Variants in KLF15 observed in about 807,000 individuals in gnomAD.
The protein encoded by KLF15 is KLF transcription factor 15.
In KLF15, 4 loss-of-function variants were observed where a neutral mutation model predicts 24.6. That is an observed-to-expected ratio of 0.16 (90% CI 0.08 to 0.37). KLF15 has a LOEUF of 0.37. Ranked by LOEUF, KLF15 falls within the 10% of genes least tolerant of loss-of-function variation. The pLI is 1.00. For missense variants in KLF15, 496 were observed against 560.6 expected (o/e 0.88, Z 1.16); for synonymous variants, 246 against 236.3 (o/e 1.04, Z -0.37).
At chr3:126,322,822 T>C in the KLF15 span, among the ~76,000 whole-genome samples, 1 of 152,206 alleles carries the variant, frequency 6.6e-6, no homozygotes, top group Admixed American at 6.5e-5. Flanking sequence ...AGGCAAAGCC[T>C]TATTTTCCCA....
the KLF15 span, among the ~76,000 whole-genome samples, chr3:126,298,600 G>A: frequency 1.4e-4 from 21 of 151,906 alleles, no homozygotes; most frequent in East Asian, 5.8e-4. Context: ...TTATGGTTTC[G>A]GTTCTTAGAT....
At chr3:126,339,020 C>T (rs1370891256), downstream of KLF15, among the ~76,000 whole-genome samples, 3 of 152,162 alleles carry the variant, frequency 2.0e-5, no homozygotes, top group Non-Finnish European at 2.9e-5. Context: ...TGGATATGTC[C>T]GTGCGCCAGG....
Position 126,356,975 on chromosome 3 carries a change from G to C in KLF15, c.-26+262C>G, listed in dbSNP as rs905266444. Among the ~76,000 whole-genome samples the C allele has an allele frequency of 1.3e-5, 2 of 151,842 alleles. No individual in the cohort carries two copies. Among genetic ancestry groups the C allele is most frequent in the Non-Finnish European group, 2.9e-5 (2 of 67,920 alleles). On this transcript the variant is annotated intron_variant, in intron 1 of 2. Coordinates refer to ENST00000296233, the MANE Select transcript of KLF15 (RefSeq NM_014079.4). The surrounding 1 kb of genome is among the most constrained non-coding windows in gnomAD (Gnocchi z 4.4). The stretch of plus-strand genomic sequence containing the variant: ...CGCAAGGCGCGCCACGGAATCGCCC[G>C]GCCAGGCACCGAGGCGGCGGCGCGG...
In KLF15 at chr3:126,343,844, C is replaced by T. The variant is rs1360856138; in HGVS notation, c.1134G>A (p.Val378=). ...LSRHRRSHSG[V]KPYQCPVCEK... ...CGCACACAGGACACTGGTACGGCTTCACACCTGAGTGCGAGCGCCTGTGCC... is the reference window on the plus strand; with the variant it reads ...CGCACACAGGACACTGGTACGGCTTTACACCTGAGTGCGAGCGCCTGTGCC... Residue 378 remains valine, a synonymous_variant, in exon 3 of 3, where the codon GTG becomes GTA. Transcript: ENST00000296233. 25 of 1,609,580 alleles carry T rather than the reference C, an allele frequency of 1.6e-5. No individual in the cohort carries two copies. The highest frequency in any genetic ancestry group is 1.9e-5 in the Non-Finnish European group (22 of 1,179,128).
At chr3:126,322,787 C>T in the KLF15 span, among the ~76,000 whole-genome samples, 1 of 152,178 alleles carries the variant, frequency 6.6e-6, no homozygotes, top group African/African-American at 2.4e-5. Context: ...GTTCTGGGAG[C>T]TAGGTTTGCA....
chr3:126,354,969 C>T (rs569838760), intron 1 of KLF15, among the ~76,000 whole-genome samples: 30 of 152,346 alleles, frequency 2.0e-4, no homozygotes, highest in African/African-American at 6.7e-4. Context: ...CTAAGCACCC[C>T]CCTCAGGATC....
chr3:126,292,175 G>A, the KLF15 span, among the ~76,000 whole-genome samples: 33 of 152,306 alleles, frequency 2.2e-4, no homozygotes, highest in South Asian at 6.2e-3. Flanking sequence ...CCTGAGGCCA[G>A]GTACAGACTG....
At chr3:126,291,692 C>T in the KLF15 span, among the ~76,000 whole-genome samples, 4 of 152,354 alleles carry the variant, frequency 2.6e-5, no homozygotes, top group Admixed American at 2.0e-4. Context: ...GTCCCTGGGC[C>T]GGTTGCATCT....
At chr3:126,330,188 TG>T in the KLF15 span, among the ~76,000 whole-genome samples, 3 of 152,186 alleles carry the variant, frequency 2.0e-5, no homozygotes, top group African/African-American at 7.2e-5. Flanking sequence ...CAGCCCAGCC[TG>T]AGTCACAGCA....
the KLF15 span, among the ~76,000 whole-genome samples, chr3:126,310,976 G>A: frequency 0.043 from 6,591 of 152,046 alleles, 210 homozygotes; most frequent in South Asian, 0.15. Context: ...CATCGCCACC[G>A]CGGCCCACTC....
At chr3:126,354,429 C>T (rs1180391201) in intron 1 of KLF15, 1 of 152,356 alleles carries the variant, frequency 6.6e-6, no homozygotes, top group Non-Finnish European at 1.5e-5. Flanking sequence ...CAGCTACAAC[C>T]TTGAGCAAGT....
intron 2 of KLF15, among the ~76,000 whole-genome samples, chr3:126,349,020 C>A (rs1340436882): frequency 6.6e-6 from 1 of 152,130 alleles, no homozygotes; most frequent in Non-Finnish European, 1.5e-5. Context: ...CCCTTCCAGT[C>A]CTGTCCAGAC....
rs772641392 is a variant in KLF15, at chr3:126,352,689, G to C, written c.234C>G (p.Asp78Glu). Residue 78 changes from aspartate (D) to glutamate (E), a missense_variant, in exon 2 of 3, where the codon GAC (aspartate) becomes GAG (glutamate). Physicochemically the swap from Asp to Glu is conservative, Grantham distance 45 (BLOSUM62 2). Around this residue, in one of 3 missense-constraint regions of KLF15, gnomAD observed 399 missense variants for 423.1 expected, o/e 0.94. Coordinates refer to ENST00000296233, the MANE Select transcript of KLF15 (RefSeq NM_014079.4). ...LGTESQDSIL[D>E]FLLSQATLGS... is the part of the protein sequence containing the mutation. ...CCAGCGTGGCCTGGGACAATAGGAA[G>C]TCCAAGATGCTGTCCTGGCTCTCGG... 1.9e-6 allele frequency: 3 copies of C among 1,594,230 alleles called. No individual in the cohort carries two copies. The highest frequency in any genetic ancestry group is 2.6e-6 in the Non-Finnish European group (3 of 1,170,824).
At chr3:126,310,516 C>T in the KLF15 span, among the ~76,000 whole-genome samples, 1 of 152,112 alleles carries the variant, frequency 6.6e-6, no homozygotes, top group Non-Finnish European at 1.5e-5. Context: ...GCTTAGGCTA[C>T]CATAGCAAAA....
the KLF15 span, among the ~76,000 whole-genome samples, chr3:126,321,015 T>C: frequency 1.3e-5 from 2 of 151,902 alleles, no homozygotes; most frequent in Non-Finnish European, 2.9e-5. Context: ...GCAAGGAAGG[T>C]GAGGAAGCTG....
the KLF15 span, among the ~76,000 whole-genome samples, chr3:126,323,848 G>C: frequency 6.6e-6 from 1 of 151,774 alleles, no homozygotes; most frequent in African/African-American, 2.4e-5. Flanking sequence ...GTGTTAGTTT[G>C]CTGAGGATGA....
chr3:126,295,309 T>C, the KLF15 span, among the ~76,000 whole-genome samples: 13 of 152,232 alleles, frequency 8.5e-5, no homozygotes, highest in Non-Finnish European at 1.3e-4. Context: ...ATACAGTTAC[T>C]ATCCACTTTG....
intron 1 of KLF15, among the ~76,000 whole-genome samples, chr3:126,353,185 A>G (rs2107558491): frequency 6.6e-6 from 1 of 152,342 alleles, no homozygotes; most frequent in South Asian, 2.1e-4. Flanking sequence ...TCTGGTTTCA[A>G]ACAGATTTTC....
chr3:126,307,252 C>A, the KLF15 span, among the ~76,000 whole-genome samples: 16 of 152,316 alleles, frequency 1.1e-4, no homozygotes, highest in Admixed American at 6.5e-4. Context: ...CAGCACCCTT[C>A]CTGGGTCACC....
Sources: gnomAD v4.1 joint callset for allele counts (sites outside exome capture counted in the v4.1 genomes callset) on GRCh38, gnomAD v4.1.1 for gene constraint, gnomAD v4.1.1 regional missense constraint, Gnocchi (gnomAD v3.1) non-coding constraint, MANE v1.5 for transcripts, NCBI Gene and HGNC (gene_info 2026-07-23, HGNC 2026-07-21) for gene names.